The following RBFOX1 variants were observed in gnomAD, a reference collection of about 807,000 sequenced individuals.
RBFOX1 encodes RNA binding protein fox-1 homolog 1.
In RBFOX1, 8 loss-of-function variants were observed where a neutral mutation model predicts 57.7. That is an observed-to-expected ratio of 0.14 (90% CI 0.08 to 0.25). The LOEUF (loss-of-function observed/expected upper bound fraction) is 0.25. Among genes scored for constraint, RBFOX1 ranks in the 10% least tolerant of loss-of-function variants. RBFOX1 has a pLI of 1.00. For synonymous variants in RBFOX1, 326 were observed against 222.4 expected (o/e 1.47, Z -4.15); for missense variants, 611 against 548.5 (o/e 1.11, Z -1.14).
intron 4 of RBFOX1, among the ~76,000 whole-genome samples, chr16:7,400,842 C>T (rs1323955307): frequency 6.6e-6 from 1 of 152,136 alleles, no homozygotes. Flanking sequence ...TGCGCTTGCC[C>T]ATTAAGTGAT....
At chr16:6,295,885 C>T (rs907669560) in intron 1 of RBFOX1, among the ~76,000 whole-genome samples, 3 of 152,136 alleles carry the variant, frequency 2.0e-5, no homozygotes, top group East Asian at 3.8e-4. Flanking sequence ...TCCTTGGCAC[C>T]GATAATGTCC....
At chr16:6,842,426 G>T (rs1437134188) in intron 3 of RBFOX1, among the ~76,000 whole-genome samples, 2 of 151,944 alleles carry the variant, frequency 1.3e-5, no homozygotes, top group African/African-American at 4.8e-5. Flanking sequence ...CACTGTTTGG[G>T]CAACTTTGCT....
chr16:5,977,521 C>G (rs909953727), intron 4 of RBFOX1, among the ~76,000 whole-genome samples: 1 of 152,072 alleles, frequency 6.6e-6, no homozygotes, highest in African/African-American at 2.4e-5. Flanking sequence ...GAGAGCATGG[C>G]GATGCTTCGG....
At chr16:5,745,868 T>A (rs2052960850) in intron 3 of RBFOX1, among the ~76,000 whole-genome samples, 1 of 152,158 alleles carries the variant, frequency 6.6e-6, no homozygotes, top group Admixed American at 6.5e-5. Context: ...ATTGCAAAAA[T>A]TTTCTCCCAT....
intron 3 of RBFOX1, among the ~76,000 whole-genome samples, chr16:6,850,105 G>C (rs2093985250): frequency 6.6e-6 from 1 of 152,076 alleles, no homozygotes; most frequent in South Asian, 2.1e-4. Context: ...TAAGTATTTA[G>C]CTTCTTGGAT....
intron 3 of RBFOX1, among the ~76,000 whole-genome samples, chr16:5,627,416 G>A (rs946531575): frequency 3.3e-5 from 5 of 151,982 alleles, no homozygotes; most frequent in Admixed American, 6.6e-5. Flanking sequence ...TAGTGATCTT[G>A]GGGTGTGTGT....
At chr16:6,537,203 G>C (rs2096747295) in intron 2 of RBFOX1, among the ~76,000 whole-genome samples, 1 of 152,120 alleles carries the variant, frequency 6.6e-6, no homozygotes, top group Non-Finnish European at 1.5e-5. Context: ...TGGAGCCTGA[G>C]ATTCGGCACT....
At chr16:7,393,877 A>G (rs1240379094) in intron 4 of RBFOX1, among the ~76,000 whole-genome samples, 1 of 152,102 alleles carries the variant, frequency 6.6e-6, no homozygotes, top group African/African-American at 2.4e-5. Flanking sequence ...TTAGCTGCAA[A>G]CACCCACGTC....
At chr16:7,639,338 C>T (rs749050663) in intron 11 of RBFOX1, among the ~76,000 whole-genome samples, 3 of 152,200 alleles carry the variant, frequency 2.0e-5, no homozygotes, top group African/African-American at 7.2e-5. Context: ...ATCAGACACT[C>T]CTTCTTCTCT....
chr16:5,473,591 A>G (rs756239552), intron 2 of RBFOX1, among the ~76,000 whole-genome samples: 59 of 150,102 alleles, frequency 3.9e-4, no homozygotes, highest in Non-Finnish European at 7.4e-4. Flanking sequence ...GGATGAAAAG[A>G]TGGACGTAAG....
At chr16:6,065,099 C>G (rs1313818549) in intron 1 of RBFOX1, among the ~76,000 whole-genome samples, 3 of 151,440 alleles carry the variant, frequency 2.0e-5, no homozygotes, top group Non-Finnish European at 4.4e-5. Flanking sequence ...GTGATCCTGG[C>G]TTACTGCAGC....
rs145703696 is a variant in RBFOX1 at position 6,687,820 on chromosome 16, G to C, written c.-16+33170G>C. Among the ~76,000 whole-genome samples the C allele has an allele frequency of 1.8e-3, 276 of 152,252 alleles. No individual in the cohort carries two copies. In the East Asian group the frequency reaches 0.033, roughly 18 times the overall value. On this transcript the variant is annotated intron_variant, in intron 3 of 15. Coordinates refer to ENST00000550418, the MANE Select transcript of RBFOX1 (RefSeq NM_018723.4). ...CCTATTGGCTAGAACAAGTCACATG[G>C]GCCCAACCTAACTCCAAAGGAGTCT...
At chr16:7,388,020 C>G (rs571700998) in intron 4 of RBFOX1, among the ~76,000 whole-genome samples, 1 of 151,558 alleles carries the variant, frequency 6.6e-6, no homozygotes, top group African/African-American at 2.4e-5. Flanking sequence ...CAAAACAAAA[C>G]AAAATATCCT....
At chr16:7,259,367 C>A (rs1422168430) in intron 4 of RBFOX1, among the ~76,000 whole-genome samples, 1 of 152,068 alleles carries the variant, frequency 6.6e-6, no homozygotes, top group African/African-American at 2.4e-5. Context: ...GGGTTCCAGT[C>A]GTTCAGCACA....
intron 4 of RBFOX1, among the ~76,000 whole-genome samples, chr16:5,875,518 GC>G (rs1382877709): frequency 6.6e-6 from 1 of 152,224 alleles, no homozygotes; most frequent in Non-Finnish European, 1.5e-5. Flanking sequence ...GCATACTGTA[GC>G]TTACAGAAGG....
intron 4 of RBFOX1, among the ~76,000 whole-genome samples, chr16:5,941,854 C>G (rs12449107): frequency 6.6e-6 from 1 of 151,876 alleles, no homozygotes; most frequent in Non-Finnish European, 1.5e-5. Context: ...GTATGGATGA[C>G]GCAGTACATC....
At chr16:5,310,415 T>G (rs1385865008) in intron 1 of RBFOX1, among the ~76,000 whole-genome samples, 3 of 151,692 alleles carry the variant, frequency 2.0e-5, no homozygotes, top group African/African-American at 7.3e-5. Context: ...AAAAAAAGTA[T>G]GGACTTTGGA....
At chr16:5,470,063 G>A (rs2069082264) in intron 2 of RBFOX1, among the ~76,000 whole-genome samples, 1 of 152,340 alleles carries the variant, frequency 6.6e-6, no homozygotes, top group South Asian at 2.1e-4. Flanking sequence ...TTAACTTATT[G>A]AGGAGGTGCC....
intron 2 of RBFOX1, among the ~76,000 whole-genome samples, chr16:6,508,635 C>T (rs755304302): frequency 6.6e-6 from 1 of 152,068 alleles, no homozygotes; most frequent in Non-Finnish European, 1.5e-5. Context: ...TTACTTTTCT[C>T]TTGAACTTCT....
Sources: gnomAD v4.1 joint callset for allele counts (sites outside exome capture counted in the v4.1 genomes callset) on GRCh38, gnomAD v4.1.1 for gene constraint, MANE v1.5 for transcripts, NCBI Gene and HGNC (gene_info 2026-07-23, HGNC 2026-07-21) for gene names.